The following ARHGAP24 variants were observed in gnomAD, a reference collection of about 807,000 sequenced individuals.
The protein encoded by ARHGAP24 is rho GTPase-activating protein 24.
Under a neutral mutation model 76.4 loss-of-function variants are expected in ARHGAP24, and 50 were observed. The ratio of observed to expected loss-of-function variants is 0.65; its 90% CI spans 0.52 to 0.83. The LOEUF (loss-of-function observed/expected upper bound fraction) is 0.83, where lower values mean the gene tolerates loss of function less well. Among genes scored for constraint, ARHGAP24 ranks in the 40% least tolerant of loss-of-function variants. ARHGAP24 has a pLI of 0.00. For synonymous variants in ARHGAP24, 345 were observed against 323.3 expected (o/e 1.07, Z -0.72); for missense variants, 930 against 914.2 (o/e 1.02, Z -0.22).
At chr4:85,515,723 A>G (rs1724472453) in intron 1 of ARHGAP24, among the ~76,000 whole-genome samples, 1 of 152,060 alleles carries the variant, frequency 6.6e-6, no homozygotes, top group Non-Finnish European at 1.5e-5. Flanking sequence ...TTCATCTATT[A>G]CTATTACAAA....
At chr4:85,545,704 T>C (rs955593329) in intron 1 of ARHGAP24, among the ~76,000 whole-genome samples, 2 of 152,132 alleles carry the variant, frequency 1.3e-5, no homozygotes, top group Non-Finnish European at 2.9e-5. Context: ...CAAAATGAAA[T>C]ATATATGCAT....
At chr4:85,674,765 C>A (rs1722916984) in intron 2 of ARHGAP24, among the ~76,000 whole-genome samples, 1 of 152,176 alleles carries the variant, frequency 6.6e-6, no homozygotes, top group Admixed American at 6.5e-5. Flanking sequence ...ACCTTGTAAA[C>A]CTTGAACTAA....
At chr4:85,650,142 T>C (rs149089657) in intron 2 of ARHGAP24, among the ~76,000 whole-genome samples, 1 of 150,516 alleles carries the variant, frequency 6.6e-6, no homozygotes, top group African/African-American at 2.5e-5. Flanking sequence ...CTATCCAGCA[T>C]TGATTTGAGA....
At chr4:85,801,761 T>C (rs1728588693) in intron 3 of ARHGAP24, among the ~76,000 whole-genome samples, 1 of 152,252 alleles carries the variant, frequency 6.6e-6, no homozygotes, top group Admixed American at 6.5e-5. Flanking sequence ...GCCGGCCATC[T>C]CAGGCAGGCA....
At chr4:85,531,221 C>T (rs563349593) in intron 1 of ARHGAP24, among the ~76,000 whole-genome samples, 1 of 152,138 alleles carries the variant, frequency 6.6e-6, no homozygotes, top group East Asian at 1.9e-4. Context: ...CAGAAATGTA[C>T]ATCAACTTAT....
At chr4:85,732,920 A>T (rs1725461642) in intron 3 of ARHGAP24, among the ~76,000 whole-genome samples, 1 of 150,382 alleles carries the variant, frequency 6.6e-6, no homozygotes, top group Non-Finnish European at 1.5e-5. Context: ...TTGGTCTCGA[A>T]CTCCCAACCT....
At chr4:85,804,126 C>T (rs1365414310) in intron 3 of ARHGAP24, among the ~76,000 whole-genome samples, 1 of 151,580 alleles carries the variant, frequency 6.6e-6, no homozygotes, top group African/African-American at 2.4e-5. Context: ...TTGACAAATT[C>T]CTTAAATAGC....
chr4:85,951,527 C>T (rs1258732576), intron 5 of ARHGAP24, among the ~76,000 whole-genome samples: 1 of 152,152 alleles, frequency 6.6e-6, no homozygotes, highest in East Asian at 1.9e-4. Flanking sequence ...CTGCCCTCTT[C>T]TGAAGAGCAT....
intron 2 of ARHGAP24, among the ~76,000 whole-genome samples, chr4:85,721,342 C>A (rs1206517852): frequency 6.6e-6 from 1 of 150,828 alleles, no homozygotes; most frequent in Non-Finnish European, 1.5e-5. Flanking sequence ...TTGCAGCGAG[C>A]CAAGATCATG....
intron 3 of ARHGAP24, among the ~76,000 whole-genome samples, chr4:85,854,019 C>T (rs1000532785): frequency 1.3e-5 from 2 of 150,640 alleles, no homozygotes; most frequent in Non-Finnish European, 2.9e-5. Flanking sequence ...CCTGTAATCT[C>T]AGCTACTCAG....
At position 86,000,823 on chromosome 4, in the gene ARHGAP24, A is replaced by G; in HGVS notation, c.*101A>G. 1.3e-6 allele frequency: 2 copies of G among 1,534,724 alleles called. No individual in the cohort carries two copies. The highest frequency in any genetic ancestry group is 2.3e-5 in the South Asian group (2 of 85,944). On this transcript the variant is annotated 3_prime_UTR_variant, in exon 10 of 10. Transcript: ENST00000395184. ...GGTGGCTGGTCACCTGGATGTACAG[A>G]AGTCTAACTGGTGAAGGAATATCAT...
chr4:85,791,368 T>C (rs908899926), intron 3 of ARHGAP24, among the ~76,000 whole-genome samples: 1 of 152,180 alleles, frequency 6.6e-6, no homozygotes, highest in African/African-American at 2.4e-5. Flanking sequence ...ACGTAAAATA[T>C]TGCTCTCTAC....
chr4:85,722,731 A>G (rs767844552), intron 3 of ARHGAP24, among the ~76,000 whole-genome samples: 1 of 152,110 alleles, frequency 6.6e-6, no homozygotes. Context: ...TGTAAGAAAA[A>G]GGGAGGTAGG....
intron 1 of ARHGAP24, among the ~76,000 whole-genome samples, chr4:85,537,876 C>T (rs1437128034): frequency 6.6e-6 from 1 of 152,194 alleles, no homozygotes; most frequent in African/African-American, 2.4e-5. Context: ...AACATATTCT[C>T]AACCTTTCAC....
intron 3 of ARHGAP24, among the ~76,000 whole-genome samples, chr4:85,816,736 A>C (rs2110118837): frequency 6.6e-6 from 1 of 152,304 alleles, no homozygotes; most frequent in South Asian, 2.1e-4. Context: ...ATGGGAGTGC[A>C]CATATCCATT....
chr4:85,923,790 A>C lies in ARHGAP24; in HGVS notation c.391+20A>C. 1 of 1,613,802 alleles carries C rather than the reference A, an allele frequency of 6.2e-7. No homozygotes were observed. The highest frequency in any genetic ancestry group is 8.5e-7 in the Non-Finnish European group (1 of 1,179,818). ...GAGGAGGTGAGTGTACTTTAAAATC[A>C]TGGAAAAACAGAAAGGTAGACCAAA... On this transcript the variant is annotated intron_variant, in intron 4 of 9. Coordinates refer to ENST00000395184, the MANE Select transcript of ARHGAP24 (RefSeq NM_001025616.3).
rs1467070189 is a variant in ARHGAP24, at chr4:85,994,628, A to C, written c.974A>C (p.His325Pro). The C allele has an allele frequency of 2.5e-6, 4 of 1,614,212 alleles. No homozygotes were observed. Among genetic ancestry groups the C allele is most frequent in the Non-Finnish European group, 3.4e-6 (4 of 1,180,040 alleles). ...QQLMSVMISK[H>P]DCLFPKDAEL... ...TTGATGTCAGTGATGATTAGCAAACATGATTGCCTCTTTCCCAAAGATGCA... is the reference window on the plus strand; with the variant it reads ...TTGATGTCAGTGATGATTAGCAAACCTGATTGCCTCTTTCCCAAAGATGCA... Residue 325 changes from histidine (H) to proline (P), a missense_variant, in exon 9 of 10, where the codon CAT (histidine) becomes CCT (proline). Coordinates refer to ENST00000395184, the MANE Select transcript of ARHGAP24 (RefSeq NM_001025616.3).
chr4:85,585,564 C>G (rs1225250012), intron 2 of ARHGAP24, among the ~76,000 whole-genome samples: 1 of 152,166 alleles, frequency 6.6e-6, no homozygotes, highest in Non-Finnish European at 1.5e-5. Context: ...ACTTGAATAC[C>G]TGTTGATGTG....
intron 3 of ARHGAP24, among the ~76,000 whole-genome samples, chr4:85,766,365 G>C (rs1033267476): frequency 6.6e-6 from 1 of 152,042 alleles, no homozygotes; most frequent in Non-Finnish European, 1.5e-5. Flanking sequence ...ATAATTCCTT[G>C]CTCTTCAGCT....
Sources: gnomAD v4.1 joint callset for allele counts (sites outside exome capture counted in the v4.1 genomes callset) on GRCh38, gnomAD v4.1.1 for gene constraint, MANE v1.5 for transcripts, NCBI Gene and HGNC (gene_info 2026-07-23, HGNC 2026-07-21) for gene names.